The following PRKAR1A variants were observed in gnomAD, a reference collection of about 807,000 sequenced individuals.
PRKAR1A encodes cAMP-dependent protein kinase type I-alpha regulatory subunit.
PRKAR1A carries 3 observed loss-of-function variants against 52.0 expected under a neutral mutation model. The ratio of observed to expected loss-of-function variants is 0.06; its 90% confidence interval spans 0.03 to 0.15. The LOEUF (loss-of-function observed/expected upper bound fraction) is 0.15, where lower values mean the gene tolerates loss of function less well. PRKAR1A is among the 10% of genes least tolerant of loss of function. PRKAR1A has a pLI of 1.00. For missense variants in PRKAR1A, 240 were observed against 477.4 expected (o/e 0.50, Z 4.63); for synonymous variants, 188 against 168.4 (o/e 1.12, Z -0.90).
At chr17:68,504,750 A>C in the PRKAR1A span, among the ~76,000 whole-genome samples, 2 of 152,220 alleles carry the variant, frequency 1.3e-5, no homozygotes, top group African/African-American at 4.8e-5. Context: ...AACTAGTTAG[A>C]AAGGATGAAT....
At chr17:68,430,251 TC>T in the PRKAR1A span, 4 of 1,321,256 alleles carry the variant, frequency 3.0e-6, no homozygotes, top group Admixed American at 2.3e-5. Context: ...TTAGCCACAC[TC>T]CCCGCAGCAG....
chr17:68,450,424 G>A, the PRKAR1A span, among the ~76,000 whole-genome samples: 2 of 152,300 alleles, frequency 1.3e-5, no homozygotes, highest in Admixed American at 1.3e-4. Flanking sequence ...TCATGGGACT[G>A]TCCAAGCCAG....
intron 11 of PRKAR1A, chr17:68,541,095 GAA>G (rs1206921654): frequency 3.0e-6 from 4 of 1,355,572 alleles, no homozygotes; most frequent in Non-Finnish European, 4.0e-6. Flanking sequence ...CTAAAATTCA[GAA>G]AGGCCCTGGG....
the PRKAR1A span, among the ~76,000 whole-genome samples, chr17:68,425,564 G>A: frequency 6.6e-6 from 1 of 151,968 alleles, no homozygotes; most frequent in Non-Finnish European, 1.5e-5. Context: ...GGAGGTGCGG[G>A]TCTGCCGGCC....
intron 11 of PRKAR1A, chr17:68,542,880 G>T (rs1319627605): frequency 3.3e-6 from 4 of 1,194,672 alleles, no homozygotes; most frequent in South Asian, 1.2e-5. Context: ...TTGTCCCCCG[G>T]CCAGTGCACA....
At chr17:68,510,160 A>AGAGAGAGAGAGAGAG (rs1491112952), upstream of PRKAR1A, among the ~76,000 whole-genome samples, 2 of 34,410 alleles carry the variant, frequency 5.8e-5, no homozygotes, top group African/African-American at 2.5e-4. Context: ...ATATGTAGAC[A>AGAGAGAGAGAGAGAG]GAGAGAGAGA....
chr17:68,533,536 A>C, downstream of PRKAR1A: 4 of 672,174 alleles, frequency 6.0e-6, no homozygotes, highest in Non-Finnish European at 7.5e-6. Flanking sequence ...TTAAATATTG[A>C]CATTTAAAAA....
At chr17:68,429,172 G>A in the PRKAR1A span, among the ~76,000 whole-genome samples, 1 of 152,184 alleles carries the variant, frequency 6.6e-6, no homozygotes, top group Non-Finnish European at 1.5e-5. Context: ...AGTGAGTGTA[G>A]ATGCTGCGAC....
At chr17:68,433,169 T>C in the PRKAR1A span, among the ~76,000 whole-genome samples, 3 of 152,264 alleles carry the variant, frequency 2.0e-5, no homozygotes, top group East Asian at 5.8e-4. Context: ...AATACTACTG[T>C]TATGTTCATT....
chr17:68,424,274 G>A, the PRKAR1A span, among the ~76,000 whole-genome samples: 9 of 152,296 alleles, frequency 5.9e-5, no homozygotes, highest in East Asian at 1.5e-3. Context: ...AGCCAGAAAT[G>A]TAAAAGCTCA....
At chr17:68,519,461 A>G (rs2085535912) in intron 2 of PRKAR1A, among the ~76,000 whole-genome samples, 1 of 152,170 alleles carries the variant, frequency 6.6e-6, no homozygotes, top group Admixed American at 6.5e-5. Flanking sequence ...TATCACCAGA[A>G]CAGCATGGAG....
chr17:68,544,635 G>A (rs1384814849), intron 11 of PRKAR1A, among the ~76,000 whole-genome samples: 2 of 152,192 alleles, frequency 1.3e-5, no homozygotes, highest in East Asian at 1.9e-4. Context: ...CAAAAAACAC[G>A]AGTGAGTCCT....
chr17:68,457,224 C>A, the PRKAR1A span: 3 of 1,249,048 alleles, frequency 2.4e-6, no homozygotes, highest in Non-Finnish European at 3.3e-6. Flanking sequence ...GAAGCAGACA[C>A]CGGCCCTCCC....
chr17:68,437,117 G>T, the PRKAR1A span, among the ~76,000 whole-genome samples: 1 of 151,810 alleles, frequency 6.6e-6, no homozygotes, highest in Non-Finnish European at 1.5e-5. Context: ...ATCCTCTAGG[G>T]TTACAAGAGA....
At chr17:68,544,124 G>A (rs76046512) in intron 11 of PRKAR1A, among the ~76,000 whole-genome samples, 1,783 of 152,296 alleles carry the variant, frequency 0.012, 13 homozygotes, top group Non-Finnish European at 0.017. Flanking sequence ...ATGAAGAAAG[G>A]TGGGGTATGA....
chr17:68,518,290 A>T (rs2085494186), intron 2 of PRKAR1A, among the ~76,000 whole-genome samples: 1 of 152,178 alleles, frequency 6.6e-6, no homozygotes, highest in Non-Finnish European at 1.5e-5. Context: ...TGGGGGCTCC[A>T]AACGACCCCA....
chr17:68,483,495 C>G, the PRKAR1A span, among the ~76,000 whole-genome samples: 2 of 151,686 alleles, frequency 1.3e-5, no homozygotes, highest in Non-Finnish European at 1.5e-5. Flanking sequence ...CAAAACAAAA[C>G]AAAAAAAGCT....
At chr17:68,420,315 C>A in the PRKAR1A span, 1 of 1,614,170 alleles carries the variant, frequency 6.2e-7, no homozygotes, top group Admixed American at 1.7e-5. Context: ...GAGTACCAGG[C>A]TGTGCTGCCC....
chr17:68,490,684 C>T, the PRKAR1A span, among the ~76,000 whole-genome samples: 1 of 151,948 alleles, frequency 6.6e-6, no homozygotes, highest in Non-Finnish European at 1.5e-5. Context: ...GATGCGATTA[C>T]CCATCTGTGA....
Sources: allele counts gnomAD v4.1 joint callset (sites outside exome capture counted in the v4.1 genomes callset), GRCh38; gene constraint gnomAD v4.1.1; transcripts MANE v1.5; gene names NCBI Gene and HGNC (gene_info 2026-07-23, HGNC 2026-07-21).